Variants in CTDSPL observed in about 807,000 individuals in gnomAD.
CTDSPL encodes CTD small phosphatase like, also known as CTD small phosphatase-like protein.
A neutral mutation model predicts 30.5 loss-of-function variants in CTDSPL; 8 were observed. The ratio of observed to expected loss-of-function variants is 0.26; its 90% CI spans 0.15 to 0.47. The LOEUF is 0.47. Among genes scored for constraint, CTDSPL ranks in the 20% least tolerant of loss-of-function variants. CTDSPL has a pLI of 0.99. For missense variants in CTDSPL, 248 were observed against 366.1 expected (o/e 0.68, Z 2.63); for synonymous variants, 110 against 137.9 (o/e 0.80, Z 1.42).
chr3:37,880,300 G>A (rs968271846), intron 1 of CTDSPL, among the ~76,000 whole-genome samples: 7 of 152,062 alleles, frequency 4.6e-5, no homozygotes, highest in African/African-American at 7.2e-5. Context: ...AACCTAGTCT[G>A]TCTGACTACA....
At chr3:37,904,153 A>G (rs1255458077) in intron 1 of CTDSPL, among the ~76,000 whole-genome samples, 2 of 151,326 alleles carry the variant, frequency 1.3e-5, no homozygotes, top group South Asian at 2.1e-4. Flanking sequence ...GACTGCCAGC[A>G]GAACAGAGCA....
At chr3:37,971,543 C>T in intron 6 of CTDSPL, 44 bp downstream of exon 6, 3 of 1,551,952 alleles carry the variant, frequency 1.9e-6, no homozygotes, top group Non-Finnish European at 2.7e-6. Context: ...CTGGTACTCC[C>T]AGCCCCTCCA....
intron 4 of CTDSPL, among the ~76,000 whole-genome samples, chr3:37,965,945 C>T (rs1165543261): frequency 6.6e-6 from 1 of 152,184 alleles, no homozygotes; most frequent in African/African-American, 2.4e-5. Flanking sequence ...CTTTGTGTCC[C>T]AGCTTAACCC....
chr3:37,956,704 C>T (rs1050183193), intron 2 of CTDSPL, among the ~76,000 whole-genome samples: 9 of 152,102 alleles, frequency 5.9e-5, no homozygotes, highest in African/African-American at 2.2e-4. Flanking sequence ...TCTTCCATTC[C>T]CTGCGTATGA....
chr3:37,920,106 T>C (rs534804478), intron 1 of CTDSPL, among the ~76,000 whole-genome samples: 3 of 152,248 alleles, frequency 2.0e-5, no homozygotes, highest in African/African-American at 7.2e-5. Flanking sequence ...CTCAATGGGT[T>C]AAAGTCAAGA....
rs1212025632 is a variant in CTDSPL, at chr3:37,983,307, A to G, written c.*2440A>G. 3 of 152,184 alleles carry G rather than the reference A, an allele frequency of 2.0e-5. No homozygotes were observed. Among genetic ancestry groups the G allele is most frequent in the Non-Finnish European group, 2.9e-5 (2 of 68,006 alleles). 9.4% of individuals were successfully genotyped at this position (152,184 alleles called of 1,614,324 possible). A position where few individuals can be genotyped will look rare whatever the true frequency, so the allele number is the denominator to read the frequency against. ...AATATCTATATCTATATCTATATCT[A>G]TATCTATATATTTTTAATCATCTAC... is the stretch of plus-strand genomic sequence containing the variant. On this transcript the variant is annotated 3_prime_UTR_variant, in exon 8 of 8. Transcript: ENST00000273179.
chr3:37,917,160 G>C (rs943843631), intron 1 of CTDSPL, among the ~76,000 whole-genome samples: 16 of 152,168 alleles, frequency 1.1e-4, no homozygotes, highest in Non-Finnish European at 2.4e-4. Flanking sequence ...ACTTAACTGA[G>C]CACTGACGTC....
rs1049592523 is a variant in CTDSPL, at chr3:37,981,784, G to T, written c.*917G>T. On this transcript the variant is annotated 3_prime_UTR_variant, in exon 8 of 8. Coordinates refer to ENST00000273179, the MANE Select transcript of CTDSPL (RefSeq NM_001008392.2). ...AACCCTAAAACCCTTGGATATAAAAGAAATCTGTTTATTGATTTTTAAATC... is the reference window on the plus strand; with the variant it reads ...AACCCTAAAACCCTTGGATATAAAATAAATCTGTTTATTGATTTTTAAATC... The T allele has an allele frequency of 2.2e-6, 1 of 456,188 alleles. No individual in the cohort carries two copies. Among genetic ancestry groups the T allele is most frequent in the African/African-American group, 2.0e-5 (1 of 50,044 alleles). The allele number at this position is 456,188 out of a possible 1,614,324, so 28.3% of individuals were successfully genotyped here. A position where few individuals can be genotyped will look rare whatever the true frequency, so the allele number is the denominator to read the frequency against.
chr3:37,973,887 A>G (rs1699395486), intron 6 of CTDSPL, among the ~76,000 whole-genome samples: 1 of 152,262 alleles, frequency 6.6e-6, no homozygotes, highest in Admixed American at 6.5e-5. Flanking sequence ...CTCTTGAAAG[A>G]TAGGTGCTAC....
At chr3:37,964,416 T>C (rs1203820754) in intron 3 of CTDSPL, among the ~76,000 whole-genome samples, 155 bp from the exon 4 acceptor site, 3 of 152,262 alleles carry the variant, frequency 2.0e-5, no homozygotes, top group Non-Finnish European at 2.9e-5. Context: ...CCGTATTTGA[T>C]AAAACTTTAG....
intron 1 of CTDSPL, among the ~76,000 whole-genome samples, chr3:37,867,213 A>G (rs930271184): frequency 1.3e-5 from 2 of 152,176 alleles, no homozygotes; most frequent in South Asian, 2.1e-4. Flanking sequence ...ATCAAACAGT[A>G]TGTGATCTTT....
At chr3:37,957,676 C>A (rs2125627351) in intron 3 of CTDSPL, among the ~76,000 whole-genome samples, 1 of 152,318 alleles carries the variant, frequency 6.6e-6, no homozygotes, top group Admixed American at 6.5e-5. Context: ...GGACCCATCC[C>A]ACAGGCCTGC....
At chr3:37,926,312 A>C (rs1575301793) in intron 1 of CTDSPL, among the ~76,000 whole-genome samples, 1 of 152,232 alleles carries the variant, frequency 6.6e-6, no homozygotes, top group Non-Finnish European at 1.5e-5. Flanking sequence ...GGCAACAGCT[A>C]AGGTAGATGG....
intron 1 of CTDSPL, among the ~76,000 whole-genome samples, chr3:37,870,719 T>C (rs1306361917): frequency 6.6e-6 from 1 of 152,216 alleles, no homozygotes; most frequent in African/African-American, 2.4e-5. Context: ...CTCTCAACAC[T>C]ACCTTAGCTG....
At chr3:37,955,511 C>T (rs994502303) in intron 2 of CTDSPL, among the ~76,000 whole-genome samples, 1 of 152,128 alleles carries the variant, frequency 6.6e-6, no homozygotes, top group Non-Finnish European at 1.5e-5. Flanking sequence ...ACTATGCAGC[C>T]GTAAAAAAGA....
At chr3:37,921,607 CCACACACACACACACA>C (rs58395906) in intron 1 of CTDSPL, among the ~76,000 whole-genome samples, 18 of 147,746 alleles carry the variant, frequency 1.2e-4, no homozygotes, top group Admixed American at 9.4e-4. Flanking sequence ...ACCCTAACTA[CCACACACACACACACA>C]CACACACACA....
intron 1 of CTDSPL, among the ~76,000 whole-genome samples, chr3:37,893,011 C>T (rs1233325973): frequency 6.6e-6 from 1 of 152,208 alleles, no homozygotes; most frequent in South Asian, 2.1e-4. Context: ...TGAACATTTA[C>T]AACCAGTGAA....
At chr3:37,897,707 C>T (rs72862298) in intron 1 of CTDSPL, among the ~76,000 whole-genome samples, 5,369 of 152,126 alleles carry the variant, frequency 0.035, 328 homozygotes, top group African/African-American at 0.12. Flanking sequence ...AGGCAGGATG[C>T]TGGAAAATTG....
intron 1 of CTDSPL, among the ~76,000 whole-genome samples, chr3:37,908,438 T>G (rs1392676778): frequency 1.3e-5 from 2 of 152,240 alleles, no homozygotes; most frequent in Non-Finnish European, 2.9e-5. Flanking sequence ...AACTGTATTT[T>G]TTCATTTTGC....
Sources: allele counts gnomAD v4.1 joint callset (sites outside exome capture counted in the v4.1 genomes callset), GRCh38; gene constraint gnomAD v4.1.1; transcripts MANE v1.5; gene names NCBI Gene and HGNC (gene_info 2026-07-23, HGNC 2026-07-21).